COL4A6: variants seen among roughly 807,000 people sequenced by gnomAD.
COL4A6 encodes collagen alpha-6(IV) chain.
A neutral mutation model predicts 126.7 loss-of-function variants in COL4A6; 59 were observed. That is an observed-to-expected ratio of 0.47 (90% CI 0.38 to 0.58). The LOEUF (loss-of-function observed/expected upper bound fraction) is 0.58, where lower values mean the gene tolerates loss of function less well. COL4A6 is among the 20% of genes least tolerant of loss of function. COL4A6 has a pLI of 0.00. For missense variants in COL4A6, 1,285 were observed against 1,337.3 expected, an observed-to-expected ratio of 0.96 and a Z score of 0.61; for synonymous variants, 547 against 496.6, an observed-to-expected ratio of 1.10 and a Z score of -1.35.
intron 23 of COL4A6, chrX:108,183,708 T>C (rs2034759076): frequency 4.3e-6 from 4 of 925,056 alleles, no homozygotes. Flanking sequence ...CTTGTAGACC[T>C]AGCTAGCTCT....
In COL4A6 at chrX:108,172,458, A is replaced by T. The variant is rs772176719; in HGVS notation, c.3202+11T>A. On this transcript the variant is annotated intron_variant, in intron 32 of 44. Transcript: ENST00000334504. ...AAGAAAACATTAAAAGAAAAAAAAA[A>T]TGCTCCTTACCTTTCAGGCCTGGGA... 3.4e-6 allele frequency: 4 copies of T among 1,186,310 alleles called. No homozygotes were observed. The highest frequency in any genetic ancestry group is 4.5e-6 in the Non-Finnish European group (4 of 882,137).
At chrX:108,420,718 G>C (rs1377787387) in intron 2 of COL4A6, among the ~76,000 whole-genome samples, 2 of 112,010 alleles carry the variant, frequency 1.8e-5, no homozygotes, top group Non-Finnish European at 3.8e-5. Context: ...CAGGGGACTG[G>C]TATAAATGCT....
At chrX:108,347,031 AT>A (rs1477917711) in intron 2 of COL4A6, among the ~76,000 whole-genome samples, 1 of 112,270 alleles carries the variant, frequency 8.9e-6, no homozygotes, top group Non-Finnish European at 1.9e-5. Flanking sequence ...TACTTTACAA[AT>A]TTTTATTTTC....
intron 13 of COL4A6, among the ~76,000 whole-genome samples, chrX:108,202,716 T>C (rs149173344): frequency 0.011 from 1,283 of 111,920 alleles, 6 homozygotes; most frequent in Non-Finnish European, 0.02. Context: ...CTTGAGCTAA[T>C]AACCTCTAAG....
intron 3 of COL4A6, among the ~76,000 whole-genome samples, chrX:108,273,861 A>G (rs1326204784): frequency 8.9e-6 from 1 of 112,316 alleles, no homozygotes; most frequent in Non-Finnish European, 1.9e-5. Flanking sequence ...AAATCTTTCA[A>G]TGGCATGGAG....
intron 3 of COL4A6, among the ~76,000 whole-genome samples, chrX:108,235,597 G>A (rs375372028): frequency 9.0e-6 from 1 of 111,080 alleles, no homozygotes; most frequent in African/African-American, 3.3e-5. Flanking sequence ...AGGAGAGTAG[G>A]CAGCTCATGT....
chrX:108,279,278 A>G (rs1314088113), intron 3 of COL4A6, among the ~76,000 whole-genome samples: 1 of 111,256 alleles, frequency 9.0e-6, no homozygotes, highest in Non-Finnish European at 1.9e-5. Context: ...CATAGGCTCA[A>G]AATAAAAGGA....
At chrX:108,282,902 A>C (rs2037884856) in intron 3 of COL4A6, among the ~76,000 whole-genome samples, 1 of 106,359 alleles carries the variant, frequency 9.4e-6, no homozygotes, top group African/African-American at 3.4e-5. Context: ...CAAGAACATA[A>C]AACCAAACAC....
In COL4A6 at chrX:108,374,756, C is replaced by T. The variant is rs982480029; in HGVS notation, c.63+63186G>A. ...GGGTGGTTTTTCAAAATGTTAATAA[C>T]TACTTTGTCATTATACTGATTAGAC... On this transcript the variant is annotated intron_variant, in intron 2 of 44. Transcript: ENST00000334504. Among the ~76,000 whole-genome samples the T allele has an allele frequency of 2.7e-5, 3 of 111,816 alleles. 1 individual carries two copies. Among genetic ancestry groups the T allele is most frequent in the Admixed American group, 1.9e-4 (2 of 10,531 alleles).
At chrX:108,371,555 TG>T (rs1019166332) in intron 2 of COL4A6, among the ~76,000 whole-genome samples, 1 of 97,494 alleles carries the variant, frequency 1.0e-5, no homozygotes, top group African/African-American at 3.9e-5. Context: ...CTGGGTAACA[TG>T]GAAATACTCT....
In COL4A6 at chrX:108,331,757, G is replaced by A. The variant is rs764347247; in HGVS notation, c.64-20929C>T. On this transcript the variant is annotated intron_variant, in intron 2 of 44. Transcript: ENST00000334504. ...GGAGACAGAATTGCTACTTTGTCAG[G>A]GGATCTCAGTCTTTTTCTCTTGAGG... 1.7e-4 allele frequency among the ~76,000 whole-genome samples: 19 copies of A among 111,294 alleles called. No individual in the cohort carries two copies. In the South Asian group the frequency reaches 1.9e-3, roughly 11 times the overall value.
intron 2 of COL4A6, among the ~76,000 whole-genome samples, chrX:108,420,607 T>C (rs1382290827): frequency 8.9e-6 from 1 of 111,921 alleles, no homozygotes; most frequent in East Asian, 2.8e-4. Context: ...CTTAAAATAC[T>C]GTAGGATTCT....
chrX:108,389,140 G>A (rs1269221788), intron 2 of COL4A6, among the ~76,000 whole-genome samples: 1 of 111,925 alleles, frequency 8.9e-6, no homozygotes. Context: ...TTCCAATTAT[G>A]TAGTCAATTT....
intron 3 of COL4A6, among the ~76,000 whole-genome samples, chrX:108,257,637 T>G (rs2037041528): frequency 9.0e-6 from 1 of 111,045 alleles, no homozygotes; most frequent in Admixed American, 9.6e-5. Flanking sequence ...TCCACAGAGG[T>G]TGGACCTGCC....
intron 41 of COL4A6, among the ~76,000 whole-genome samples, chrX:108,162,645 A>T (rs1210161807): frequency 9.0e-6 from 1 of 110,826 alleles, no homozygotes; most frequent in Admixed American, 9.5e-5. Context: ...CACATTAGAG[A>T]GGGGCGAGTG....
chrX:108,323,182 A>G (rs994275881), intron 2 of COL4A6, among the ~76,000 whole-genome samples: 1 of 112,172 alleles, frequency 8.9e-6, no homozygotes, highest in African/African-American at 3.2e-5. Context: ...TAGCATTGCA[A>G]TGATTACATT....
At chrX:108,211,780 C>G in intron 6 of COL4A6, 40 bp from the exon 7 acceptor site, 2 of 1,093,902 alleles carry the variant, frequency 1.8e-6, no homozygotes, top group Non-Finnish European at 2.5e-6. Flanking sequence ...AATACACACA[C>G]TTACAGTCTT....
intron 3 of COL4A6, among the ~76,000 whole-genome samples, chrX:108,269,996 G>A (rs978179752): frequency 8.9e-6 from 1 of 111,849 alleles, no homozygotes; most frequent in African/African-American, 3.3e-5. Flanking sequence ...TTGGAGCCAT[G>A]GGCCTTTAAC....
chrX:108,339,923 C>A (rs1417059446), intron 2 of COL4A6, among the ~76,000 whole-genome samples: 1 of 111,134 alleles, frequency 9.0e-6, no homozygotes, highest in Non-Finnish European at 1.9e-5. Context: ...TGCTATGCTG[C>A]AGTTGATTGC....
Sources: allele counts gnomAD v4.1 joint callset (sites outside exome capture counted in the v4.1 genomes callset), GRCh38; gene constraint gnomAD v4.1.1; transcripts MANE v1.5; gene names NCBI Gene and HGNC (gene_info 2026-07-23, HGNC 2026-07-21).